Variants in RLN2 observed in about 807,000 individuals in gnomAD.
The protein encoded by RLN2 is prorelaxin H2.
Under a neutral mutation model 7.3 loss-of-function variants are expected in RLN2, and 10 were observed. The ratio of observed to expected loss-of-function variants is 1.36; its 90% CI spans 0.84 to 2.31. RLN2 has a LOEUF of 2.31. Ranked by LOEUF, RLN2 falls within the 30% of genes most tolerant of loss-of-function variation. RLN2 has a pLI of 0.00. For missense variants in RLN2, 298 were observed against 217.6 expected (o/e 1.37, Z -2.32); for synonymous variants, 103 against 82.3 (o/e 1.25, Z -1.36).
the RLN2 span, among the ~76,000 whole-genome samples, chr9:5,311,268 G>C: frequency 9.2e-5 from 14 of 152,090 alleles, no homozygotes; most frequent in African/African-American, 3.4e-4. Context: ...AGATGAGAGT[G>C]GGGGGCGGGG....
upstream of RLN2, among the ~76,000 whole-genome samples, chr9:5,305,144 C>G (rs931015567): frequency 5.3e-5 from 8 of 151,700 alleles, no homozygotes; most frequent in South Asian, 2.1e-4. Flanking sequence ...TTGTTGATGA[C>G]AGGGAAAACT....
chr9:5,321,554 T>G, the RLN2 span, among the ~76,000 whole-genome samples: 3 of 151,796 alleles, frequency 2.0e-5, no homozygotes, highest in East Asian at 5.8e-4. Flanking sequence ...AGATAAGTGT[T>G]AATCAAATAT....
the RLN2 span, among the ~76,000 whole-genome samples, chr9:5,310,640 AT>A: frequency 2.6e-5 from 4 of 151,936 alleles, no homozygotes; most frequent in African/African-American, 9.7e-5. Context: ...TTTTTGAACT[AT>A]TTTTAGAGGT....
At chr9:5,331,171 A>G in the RLN2 span, among the ~76,000 whole-genome samples, 1 of 152,040 alleles carries the variant, frequency 6.6e-6, no homozygotes, top group East Asian at 1.9e-4. Flanking sequence ...CCAGAGGTAT[A>G]AAAAGGAGCT....
At chr9:5,337,662 C>G in the RLN2 span, among the ~76,000 whole-genome samples, 1 of 152,128 alleles carries the variant, frequency 6.6e-6, no homozygotes, top group East Asian at 1.9e-4. Context: ...CTGACATGTA[C>G]TTCCAAAGCG....
At chr9:5,315,494 T>C in the RLN2 span, among the ~76,000 whole-genome samples, 1 of 151,838 alleles carries the variant, frequency 6.6e-6, no homozygotes, top group Admixed American at 6.6e-5. Flanking sequence ...ATGGGAGCTC[T>C]ACAGGGAGAA....
the RLN2 span, among the ~76,000 whole-genome samples, chr9:5,327,978 A>T: frequency 6.6e-6 from 1 of 152,012 alleles, no homozygotes; most frequent in African/African-American, 2.4e-5. Flanking sequence ...GAAAAGCTGA[A>T]AATTCCAAAA....
the RLN2 span, among the ~76,000 whole-genome samples, chr9:5,326,462 G>C: frequency 6.6e-6 from 1 of 152,078 alleles, no homozygotes; most frequent in African/African-American, 2.4e-5. Flanking sequence ...CCACCCTAAA[G>C]ACTCCTGCTG....
the RLN2 span, among the ~76,000 whole-genome samples, chr9:5,310,258 CT>C: frequency 6.6e-6 from 1 of 151,952 alleles, no homozygotes; most frequent in Non-Finnish European, 1.5e-5. Flanking sequence ...AGGTTAGCTG[CT>C]TTAGCTCTTG....
chr9:5,309,123 G>A (rs1816302906), upstream of RLN2, among the ~76,000 whole-genome samples: 1 of 151,980 alleles, frequency 6.6e-6, no homozygotes, highest in Admixed American at 6.6e-5. Context: ...ACTCCAACAG[G>A]GTGAATAGGA....
chr9:5,321,524 T>C, the RLN2 span, among the ~76,000 whole-genome samples: 1 of 151,898 alleles, frequency 6.6e-6, no homozygotes, highest in Non-Finnish European at 1.5e-5. Flanking sequence ...CTGAGCACAA[T>C]TCTGTGTCCC....
the RLN2 span, among the ~76,000 whole-genome samples, chr9:5,326,487 T>C: frequency 6.6e-6 from 1 of 152,074 alleles, no homozygotes; most frequent in Non-Finnish European, 1.5e-5. Flanking sequence ...CCAGACTGGC[T>C]GATCTCCATC....
chr9:5,307,016 C>A (rs780878518), upstream of RLN2, among the ~76,000 whole-genome samples: 1 of 151,874 alleles, frequency 6.6e-6, no homozygotes, highest in Non-Finnish European at 1.5e-5. Context: ...CTGAAGCAGA[C>A]ATAGAAAGGG....
the RLN2 span, among the ~76,000 whole-genome samples, chr9:5,316,145 G>C: frequency 1.3e-5 from 2 of 151,794 alleles, no homozygotes; most frequent in Non-Finnish European, 2.9e-5. Flanking sequence ...ACTACAATAA[G>C]TTGTTAAGAA....
the RLN2 span, among the ~76,000 whole-genome samples, chr9:5,330,684 C>A: frequency 2.3e-5 from 3 of 129,730 alleles, no homozygotes; most frequent in Non-Finnish European, 4.9e-5. Context: ...ATTAGAGAGG[C>A]AAGAGCAAAC....
the RLN2 span, among the ~76,000 whole-genome samples, chr9:5,320,943 T>A: frequency 6.6e-6 from 1 of 152,010 alleles, no homozygotes; most frequent in Non-Finnish European, 1.5e-5. Context: ...ACTGGAACAA[T>A]TTATCTCATC....
chr9:5,307,269 G>GAT (rs1563737973), upstream of RLN2, among the ~76,000 whole-genome samples: 392 of 40,864 alleles, frequency 9.6e-3, 2 homozygotes, highest in African/African-American at 0.04. Context: ...TAGATAGATA[G>GAT]AGGATAGATA....
At chr9:5,325,874 G>A in the RLN2 span, among the ~76,000 whole-genome samples, 2 of 151,832 alleles carry the variant, frequency 1.3e-5, no homozygotes, top group Non-Finnish European at 2.9e-5. Context: ...CTTCCCAAAG[G>A]CGATGTCAAG....
At chr9:5,326,313 A>C in the RLN2 span, among the ~76,000 whole-genome samples, 1 of 152,118 alleles carries the variant, frequency 6.6e-6, no homozygotes. Flanking sequence ...TAACTCTTTT[A>C]GGCTAGAAGG....
Sources: gnomAD v4.1 joint callset for allele counts (sites outside exome capture counted in the v4.1 genomes callset) on GRCh38, gnomAD v4.1.1 for gene constraint, MANE v1.5 for transcripts, NCBI Gene and HGNC (gene_info 2026-07-23, HGNC 2026-07-21) for gene names.